The following CCDC152 variants were observed in gnomAD, a reference collection of about 807,000 sequenced individuals.
CCDC152 encodes coiled-coil domain containing 152.
A neutral mutation model predicts 38.1 loss-of-function variants in CCDC152; 37 were observed. The ratio of observed to expected loss-of-function variants is 0.97; its 90% CI spans 0.75 to 1.28. The LOEUF (loss-of-function observed/expected upper bound fraction) is 1.28. Among genes scored for constraint, CCDC152 ranks in the 50% most tolerant of loss-of-function variants. The probability of loss-of-function intolerance (pLI) is 0.00; values close to 1 mark genes in which losing one functional copy is unlikely to be tolerated. For synonymous variants in CCDC152, 83 were observed against 87.1 expected (o/e 0.95, Z 0.26); for missense variants, 259 against 292.1 (o/e 0.89, Z 0.83).
At chr5:42,788,186 TC>T (rs1031115480) in intron 6 of CCDC152, among the ~76,000 whole-genome samples, 3 of 150,434 alleles carry the variant, frequency 2.0e-5, no homozygotes, top group African/African-American at 7.3e-5. Context: ...TATTTCTCCT[TC>T]CTTGTTTGGT....
chr5:42,799,572 G>A, intron 8 of CCDC152, 87 bp from the exon 9 acceptor site: 1 of 1,168,928 alleles, frequency 8.6e-7, no homozygotes, highest in Non-Finnish European at 1.2e-6. Context: ...AATACCAATA[G>A]CAGAAGTGCA....
chr5:42,770,596 C>T (rs1759683921), intron 4 of CCDC152, among the ~76,000 whole-genome samples: 1 of 151,902 alleles, frequency 6.6e-6, no homozygotes, highest in South Asian at 2.1e-4. Flanking sequence ...GTTCTTTTTA[C>T]TCAAGATTGC....
intron 6 of CCDC152, among the ~76,000 whole-genome samples, chr5:42,785,196 T>C (rs1759902168): frequency 6.6e-6 from 1 of 152,106 alleles, no homozygotes; most frequent in Non-Finnish European, 1.5e-5. Context: ...GGTAGTATAG[T>C]CATTTTGATG....
intron 4 of CCDC152, among the ~76,000 whole-genome samples, chr5:42,773,275 G>T (rs1033587629): frequency 1.3e-5 from 2 of 152,062 alleles, no homozygotes; most frequent in Admixed American, 1.3e-4. Context: ...TTTCAGTAGG[G>T]ACTTATGGAT....
rs1307966435 is a variant in CCDC152 at position 42,769,617 on chromosome 5, A to G, written c.214A>G (p.Ile72Val). The G allele has an allele frequency of 9.4e-6, 14 of 1,492,156 alleles. No homozygotes were observed. Among genetic ancestry groups the G allele is most frequent in the Admixed American group, 2.4e-5 (1 of 40,882 alleles). 92.4% of individuals were successfully genotyped at this position (1,492,156 alleles called of 1,614,324 possible). The change falls in exon 4 of 9, where the codon ATA becomes GTA. Residue 72 changes from isoleucine to valine, a missense_variant. Coordinates refer to ENST00000361970, the MANE Select transcript of CCDC152 (RefSeq NM_001134848.2). ...IKEECATLHN[I>V]IKGLQQTIEY... ...TTCAGAATGTGCTACTCTTCATAAT[A>G]TAATAAAAGGGCTACAACAGACCAT... is the stretch of plus-strand genomic sequence containing the variant.
chr5:42,757,519 G>A (rs1222390842), intron 1 of CCDC152, among the ~76,000 whole-genome samples: 1 of 152,212 alleles, frequency 6.6e-6, no homozygotes, highest in Non-Finnish European at 1.5e-5. Context: ...GAGCCTTGAA[G>A]GTCACAAATC....
chr5:42,766,597 C>T (rs1759627307), intron 3 of CCDC152, among the ~76,000 whole-genome samples: 1 of 152,130 alleles, frequency 6.6e-6, no homozygotes, highest in Non-Finnish European at 1.5e-5. Flanking sequence ...GAATGAGATC[C>T]TGCCATTTGC....
At chr5:42,774,652 A>G (rs1222698952) in intron 4 of CCDC152, among the ~76,000 whole-genome samples, 5 of 152,176 alleles carry the variant, frequency 3.3e-5, no homozygotes, top group African/African-American at 1.2e-4. Context: ...AAAGACTGAG[A>G]CCTAATCATA....
intron 6 of CCDC152, among the ~76,000 whole-genome samples, chr5:42,792,897 A>G (rs1760023705): frequency 6.6e-6 from 1 of 152,140 alleles, no homozygotes; most frequent in Non-Finnish European, 1.5e-5. Context: ...TGAGAGGCTC[A>G]TTGTCATGGC....
At chr5:42,780,437 T>A (rs1367534493) in intron 5 of CCDC152, among the ~76,000 whole-genome samples, 2 of 152,154 alleles carry the variant, frequency 1.3e-5, no homozygotes, top group Non-Finnish European at 2.9e-5. Context: ...TTCCCTTTAT[T>A]CTTTCCCAAT....
intron 4 of CCDC152, among the ~76,000 whole-genome samples, chr5:42,778,382 C>CT (rs1759795831): frequency 6.6e-6 from 1 of 152,258 alleles, no homozygotes; most frequent in Admixed American, 6.5e-5. Flanking sequence ...AAGGAGGAAA[C>CT]TAAGACTTCT....
intron 5 of CCDC152, among the ~76,000 whole-genome samples, chr5:42,782,777 G>T (rs532312255): frequency 6.6e-6 from 1 of 151,978 alleles, no homozygotes; most frequent in Admixed American, 6.6e-5. Flanking sequence ...ATGTTAATTG[G>T]CTTGAGTTTA....
chr5:42,800,587 C>T lies in CCDC152; in HGVS notation c.*806C>T, dbSNP rs1760161224. 9.1e-7 allele frequency: 1 copy of T among 1,104,524 alleles called. No homozygotes were observed. Among genetic ancestry groups the T allele is most frequent in the Non-Finnish European group, 1.3e-6 (1 of 790,914 alleles). The allele number at this position is 1,104,524 out of a possible 1,614,324, so 68.4% of individuals were successfully genotyped here. ...GACATAAAATTTAAAATCTGGAAGC[C>T]AATTCAGTAGATTTCTCCATGTTTG... On this transcript the variant is annotated 3_prime_UTR_variant, in exon 9 of 9. Transcript: ENST00000361970.
Position 42,783,571 on chromosome 5 carries a change from G to T in CCDC152, c.425G>T (p.Arg142Ile). 1 of 1,352,288 alleles carries T rather than the reference G, an allele frequency of 7.4e-7. No individual in the cohort carries two copies. Among genetic ancestry groups the T allele is most frequent in the Non-Finnish European group, 9.6e-7 (1 of 1,041,106 alleles). 83.8% of individuals were successfully genotyped at this position (1,352,288 alleles called of 1,614,324 possible). Residue 142 changes from arginine to isoleucine, a missense_variant, in exon 6 of 9, where the codon AGA becomes ATA. Arg to Ile is a moderately conservative substitution (Grantham distance 97). Transcript: ENST00000361970. ...AGCAAACTTTATCAGGACATGCAGA[G>T]AAAAGGTAAGTTTAAAATAAACTTG... ...EISKLYQDMQRKVELNEEKHK... is the reference protein window; with the variant it reads ...EISKLYQDMQIKVELNEEKHK...
chr5:42,765,237 G>A (rs530476842), intron 3 of CCDC152, among the ~76,000 whole-genome samples: 254 of 152,080 alleles, frequency 1.7e-3, no homozygotes, highest in Admixed American at 2.6e-3. Context: ...AATGAAAACT[G>A]TAAAACACTG....
chr5:42,801,235 G>C lies in CCDC152; in HGVS notation c.*1454G>C. Reference sequence around the variant, plus strand: ...CCAAGGTGCTGATGTCCATGATTGTGATGATGCTCATGATGGTAATGAGGC... The same window carrying C: ...CCAAGGTGCTGATGTCCATGATTGTCATGATGCTCATGATGGTAATGAGGC... On this transcript the variant is annotated 3_prime_UTR_variant, in exon 9 of 9. Coordinates refer to ENST00000361970, the MANE Select transcript of CCDC152 (RefSeq NM_001134848.2). 1 of 1,614,068 alleles carries C rather than the reference G, an allele frequency of 6.2e-7. No individual in the cohort carries two copies. The highest frequency in any genetic ancestry group is 1.6e-4 in the Middle Eastern group (1 of 6,062).
rs1760164534 is a variant in CCDC152, at chr5:42,800,680, T to C, written c.*899T>C. On this transcript the variant is annotated 3_prime_UTR_variant, in exon 9 of 9. Transcript: ENST00000361970. ...TATAAAAATGCTGGAAATGAAATTG[T>C]GTCTAGACTAAATTGGGGAGTATGT... The C allele has an allele frequency of 6.6e-7, 1 of 1,524,960 alleles. No individual in the cohort carries two copies. The highest frequency in any genetic ancestry group is 2.2e-5 in the Admixed American group (1 of 45,752). 94.5% of individuals were successfully genotyped at this position (1,524,960 alleles called of 1,614,324 possible). A position where few individuals can be genotyped will look rare whatever the true frequency, so the allele number is the denominator to read the frequency against.
intron 6 of CCDC152, among the ~76,000 whole-genome samples, chr5:42,793,764 A>G (rs1163395226): frequency 6.6e-6 from 1 of 152,124 alleles, no homozygotes; most frequent in Non-Finnish European, 1.5e-5. Flanking sequence ...ACGTGTCACC[A>G]TCCCTGGCTA....
At chr5:42,778,707 C>G (rs1267054862) in intron 4 of CCDC152, among the ~76,000 whole-genome samples, 1 of 152,074 alleles carries the variant, frequency 6.6e-6, no homozygotes, top group Non-Finnish European at 1.5e-5. Flanking sequence ...CTGCCGCTGA[C>G]GTAATTTAGG....
Sources: gnomAD v4.1 joint callset for allele counts (sites outside exome capture counted in the v4.1 genomes callset) on GRCh38, gnomAD v4.1.1 for gene constraint, MANE v1.5 for transcripts, NCBI Gene and HGNC (gene_info 2026-07-23, HGNC 2026-07-21) for gene names.